VAC14: variants seen among roughly 807,000 people sequenced by gnomAD.
VAC14 encodes protein VAC14 homolog.
A neutral mutation model predicts 85.3 loss-of-function variants in VAC14; 47 were observed. The ratio of observed to expected loss-of-function variants is 0.55; its 90% CI spans 0.44 to 0.70. The LOEUF is 0.70. Ranked by LOEUF, VAC14 falls within the 30% of genes least tolerant of loss-of-function variation. VAC14 has a pLI of 0.00. For synonymous variants in VAC14, 447 were observed against 430.5 expected (o/e 1.04, Z -0.47); for missense variants, 861 against 1,004.3 (o/e 0.86, Z 1.93).
intron 1 of VAC14, among the ~76,000 whole-genome samples, chr16:70,788,425 C>T (rs2034170861): frequency 6.6e-6 from 1 of 152,202 alleles, no homozygotes; most frequent in South Asian, 2.1e-4. Flanking sequence ...TACAAGTGGC[C>T]TGTGAGTTGC....
intron 14 of VAC14, chr16:70,716,738 GACA>G (rs1461182693): frequency 1.3e-5 from 2 of 152,216 alleles, no homozygotes; most frequent in Non-Finnish European, 2.9e-5. Context: ...TTCCACACGC[GACA>G]AAGGGTAGAA....
intron 14 of VAC14, among the ~76,000 whole-genome samples, chr16:70,702,769 G>A (rs1312825627): frequency 6.6e-6 from 1 of 152,202 alleles, no homozygotes. Context: ...AGCTGGGGAG[G>A]GAGGAAAGAG....
intron 14 of VAC14, among the ~76,000 whole-genome samples, chr16:70,729,002 A>G (rs776220219): frequency 3.9e-5 from 6 of 152,208 alleles, no homozygotes; most frequent in Non-Finnish European, 8.8e-5. Context: ...ACACCATGGA[A>G]ATCTTCCTCT....
chr16:70,777,106 C>T (rs1272866785), intron 9 of VAC14, among the ~76,000 whole-genome samples: 2 of 149,776 alleles, frequency 1.3e-5, no homozygotes, highest in Non-Finnish European at 3.0e-5. Context: ...CGCGTCTGGC[C>T]CCTAATTTTT....
At chr16:70,724,637 C>T (rs1017125874) in intron 14 of VAC14, among the ~76,000 whole-genome samples, 15 of 152,202 alleles carry the variant, frequency 9.9e-5, no homozygotes, top group African/African-American at 3.4e-4. Context: ...TTGTGTAAAG[C>T]GGCTCCTGCT....
intron 10 of VAC14, among the ~76,000 whole-genome samples, chr16:70,765,139 G>A (rs1381895752): frequency 3.9e-5 from 6 of 152,176 alleles, no homozygotes; most frequent in Non-Finnish European, 5.9e-5. Flanking sequence ...AAAGTCTGTA[G>A]TGAGCCCCTT....
Position 70,783,486 on chromosome 16 carries a change from G to C in VAC14, c.663C>G (p.Leu221=), listed in dbSNP as rs2033908704. The C allele has an allele frequency of 1.2e-6, 2 of 1,614,120 alleles. No individual in the cohort carries two copies. Among genetic ancestry groups the C allele is most frequent in the South Asian group, 1.1e-5 (1 of 91,086 alleles). Residue 221 remains leucine, a synonymous_variant, in exon 6 of 19, where the codon CTC becomes CTG. Transcript: ENST00000261776. The part of the protein sequence containing the change: ...LDYLPEILDG[L]FQILGDNGKE... ...TGCCATTGTCACCCAGGATCTGGAA[G>C]AGTCCATCCAGGATCTCCGGCAGGT...
Position 70,800,865 on chromosome 16 carries a change from A to C in VAC14, c.36T>G (p.Pro12=), listed in dbSNP as rs1384212940. ...TGTCATTGAGGGCGCGCACGATGTT[A>C]GGCGTGAGCGGCGCGAAATCCTTCT... The part of the protein sequence containing the change: ...NPEKDFAPLT[P]NIVRALNDKL... Residue 12 remains proline (P), a synonymous_variant, in exon 1 of 19, where the codon CCT becomes CCG. Coordinates refer to ENST00000261776, the MANE Select transcript of VAC14 (RefSeq NM_018052.5). 1.2e-6 allele frequency: 2 copies of C among 1,605,204 alleles called. No homozygotes were observed. Among genetic ancestry groups the C allele is most frequent in the African/African-American group, 2.7e-5 (2 of 73,804 alleles).
chr16:70,735,825 G>C (rs1190056183), intron 13 of VAC14, among the ~76,000 whole-genome samples: 3 of 152,260 alleles, frequency 2.0e-5, no homozygotes, highest in Non-Finnish European at 4.4e-5. Context: ...GGGAGGTCCT[G>C]AGTGACTCTG....
intron 14 of VAC14, among the ~76,000 whole-genome samples, chr16:70,706,973 C>T (rs1272542256): frequency 6.6e-6 from 1 of 152,204 alleles, no homozygotes; most frequent in African/African-American, 2.4e-5. Flanking sequence ...ACCGCTCCCA[C>T]CGGAAAAGGG....
In VAC14 at chr16:70,735,704, G is replaced by A. The variant is rs565273640; in HGVS notation, c.1529-4077C>T. Among the ~76,000 whole-genome samples the A allele has an allele frequency of 4.6e-5, 7 of 152,354 alleles. No homozygotes were observed. In the East Asian group the frequency reaches 9.6e-4, roughly 21 times the overall value. ...CCCAAGAACCTCCTAGACAGCTCGC[G>A]TGAGCGGCATGAAGGAGCCCTGAGT... On this transcript the variant is annotated intron_variant, in intron 13 of 18. Coordinates refer to ENST00000261776, the MANE Select transcript of VAC14 (RefSeq NM_018052.5).
rs1403410991 is a variant in VAC14 at position 70,781,114 on chromosome 16, G to C, written c.947-175C>G. Among the ~76,000 whole-genome samples, 5 of 152,152 alleles carry C rather than the reference G, an allele frequency of 3.3e-5. No homozygotes were observed. In the South Asian group the frequency reaches 8.3e-4, roughly 25 times the overall value. On this transcript the variant is annotated intron_variant, in intron 8 of 18. Transcript: ENST00000261776. Reference sequence around the variant, plus strand: ...CTCCCCATGGTACTGAGCGAGTTGAGTGAGTTCTTGCTCTATTATTATTCA... The same window carrying C: ...CTCCCCATGGTACTGAGCGAGTTGACTGAGTTCTTGCTCTATTATTATTCA...
chr16:70,786,186 T>TA (rs757467320), intron 2 of VAC14, 29 bp downstream of exon 2: 2 of 1,610,070 alleles, frequency 1.2e-6, no homozygotes, highest in Non-Finnish European at 1.7e-6. Flanking sequence ...CCAGGACTGG[T>TA]ATGTCTGTCC....
At chr16:70,752,771 C>T (rs914812292) in intron 12 of VAC14, among the ~76,000 whole-genome samples, 4 of 152,238 alleles carry the variant, frequency 2.6e-5, no homozygotes, top group African/African-American at 4.8e-5. Context: ...GCAGGACAGG[C>T]CCCAGATGTG....
At chr16:70,778,168 G>A (rs941074080) in intron 9 of VAC14, among the ~76,000 whole-genome samples, 1 of 152,200 alleles carries the variant, frequency 6.6e-6, no homozygotes, top group Non-Finnish European at 1.5e-5. Flanking sequence ...AAGCAGCTGT[G>A]TGAAAAAATG....
intron 10 of VAC14, chr16:70,770,439 G>A (rs1349714340): frequency 6.6e-6 from 1 of 152,242 alleles, no homozygotes; most frequent in Non-Finnish European, 1.5e-5. Context: ...TCTCGTCCCT[G>A]CCATGAAAGT....
chr16:70,786,088 C>G (rs913446932), intron 2 of VAC14, 127 bp downstream of exon 2: 41 of 1,467,144 alleles, frequency 2.8e-5, no homozygotes, highest in Non-Finnish European at 3.6e-5. Flanking sequence ...GTCTCAGGTG[C>G]GGACAGAGTG....
Position 70,698,789 on chromosome 16 carries a change from C to G in VAC14, c.1684G>C (p.Ala562Pro). Residue 562 changes from alanine (A) to proline (P), a missense_variant, in exon 15 of 19, where the codon GCG becomes CCG. Ala to Pro is a conservative substitution (Grantham distance 27). Around this residue, in one of 3 missense-constraint regions of VAC14, gnomAD observed 69 missense variants for 139.0 expected, o/e 0.50. Transcript: ENST00000261776. ...IIRQLCLLLN[A>P]ENIFHSMADI... ...GCCATTGAGTGGAAGATGTTCTCCGCATTCAGCAGGAGGCACAGCTGCCTG... is the reference window on the plus strand; with the variant it reads ...GCCATTGAGTGGAAGATGTTCTCCGGATTCAGCAGGAGGCACAGCTGCCTG... 1.1e-5 allele frequency: 18 copies of G among 1,614,058 alleles called. No homozygotes were observed. The highest frequency in any genetic ancestry group is 1.5e-5 in the Non-Finnish European group (18 of 1,180,008).
intron 9 of VAC14, among the ~76,000 whole-genome samples, chr16:70,778,233 C>T (rs552885160): frequency 3.3e-5 from 5 of 152,240 alleles, no homozygotes; most frequent in Admixed American, 6.5e-5. Flanking sequence ...GAATCAAACC[C>T]GGGCCTCCCG....
Sources: gnomAD v4.1 joint callset for allele counts (sites outside exome capture counted in the v4.1 genomes callset) on GRCh38, gnomAD v4.1.1 for gene constraint, gnomAD v4.1.1 regional missense constraint, MANE v1.5 for transcripts, NCBI Gene and HGNC (gene_info 2026-07-23, HGNC 2026-07-21) for gene names.